DLGAP2: variants seen among roughly 807,000 people sequenced by gnomAD.
The protein encoded by DLGAP2 is DLG associated protein 2, also known as disks large-associated protein 2.
In DLGAP2, 26 loss-of-function variants were observed where a neutral mutation model predicts 100.3. The ratio of observed to expected loss-of-function variants is 0.26; its 90% CI spans 0.19 to 0.36. The LOEUF is 0.36. DLGAP2 is among the 10% of genes least tolerant of loss of function. DLGAP2 has a pLI of 1.00. For synonymous variants in DLGAP2, 886 were observed against 630.1 expected (o/e 1.41, Z -6.08); for missense variants, 1,858 against 1,453.2 (o/e 1.28, Z -4.53).
At chr8:1,196,368 C>G (rs576179662) in intron 2 of DLGAP2, among the ~76,000 whole-genome samples, 4 of 152,326 alleles carry the variant, frequency 2.6e-5, no homozygotes, top group African/African-American at 9.6e-5. Context: ...CCCCCATCCC[C>G]AGGTGTCAGC....
rs899550833 is a variant in DLGAP2 at position 1,548,660 on chromosome 8, C to T, written c.207C>T (p.Phe69=). 6.3e-7 allele frequency: 1 copy of T among 1,584,016 alleles called. No individual in the cohort carries two copies. The highest frequency in any genetic ancestry group is 1.4e-5 in the African/African-American group (1 of 74,024). ...ACTCATGGTCGCCCACGCAGCACTT[C>T]AATGAGGAGCGCTACTCGCCCGCGC... ...PQYSWSPTQH[F]NEERYSPAPR... Residue 69 remains phenylalanine, a synonymous_variant, in exon 5 of 15, where the codon TTC becomes TTT. Coordinates refer to ENST00000637795, the MANE Select transcript of DLGAP2 (RefSeq NM_001346810.2).
At chr8:1,287,160 G>A (rs73170419) in intron 3 of DLGAP2, among the ~76,000 whole-genome samples, 39 of 130,118 alleles carry the variant, frequency 3.0e-4, no homozygotes, top group East Asian at 2.1e-3. Flanking sequence ...GTGTGTGTGC[G>A]CGCGCGCGCG....
intron 2 of DLGAP2, among the ~76,000 whole-genome samples, chr8:1,023,855 A>ATGTGTGTGTGTGTGTGTGTGTG (rs1192338772): frequency 4.0e-4 from 24 of 59,268 alleles, no homozygotes; most frequent in African/African-American, 8.0e-4. Context: ...CAAACTTTAT[A>ATGTGTGTGTGTGTGTGTGTGTG]TATGTGTGTG....
chr8:1,254,862 C>T (rs975334054), intron 2 of DLGAP2, among the ~76,000 whole-genome samples: 4 of 86,206 alleles, frequency 4.6e-5, no homozygotes, highest in Admixed American at 1.1e-4. Context: ...CACTCCCTGG[C>T]CCTCTCATCC....
chr8:919,838 T>G (rs1584890128), intron 2 of DLGAP2, among the ~76,000 whole-genome samples: 1 of 152,312 alleles, frequency 6.6e-6, no homozygotes, highest in African/African-American at 2.4e-5. Context: ...TTCCATTTCC[T>G]CACTACTGAA....
At chr8:1,543,962 A>C (rs1801449096) in intron 4 of DLGAP2, among the ~76,000 whole-genome samples, 1 of 151,710 alleles carries the variant, frequency 6.6e-6, no homozygotes, top group Non-Finnish European at 1.5e-5. Context: ...GAGTGCAGTG[A>C]TGCAAGCTTG....
intron 1 of DLGAP2, among the ~76,000 whole-genome samples, chr8:906,935 T>C (rs999402899): frequency 6.6e-6 from 1 of 152,238 alleles, no homozygotes; most frequent in Non-Finnish European, 1.5e-5. Context: ...AATTGTTCTT[T>C]TTTCAATATA....
At chr8:888,420 CTGACTTG>C (rs1797964863) in intron 1 of DLGAP2, among the ~76,000 whole-genome samples, 1 of 152,116 alleles carries the variant, frequency 6.6e-6, no homozygotes, top group Admixed American at 6.5e-5. Flanking sequence ...GTTCTGCACG[CTGACTTG>C]TGATCATTTG....
intron 3 of DLGAP2, among the ~76,000 whole-genome samples, chr8:1,492,731 C>A (rs1348204466): frequency 1.3e-5 from 2 of 152,230 alleles, no homozygotes; most frequent in Non-Finnish European, 2.9e-5. Flanking sequence ...CAGGCACCTT[C>A]CCCGGCTCCA....
At chr8:1,408,148 T>G (rs1434400920) in intron 3 of DLGAP2, among the ~76,000 whole-genome samples, 6 of 152,262 alleles carry the variant, frequency 3.9e-5, no homozygotes, top group African/African-American at 1.2e-4. Flanking sequence ...GGCTCACTCT[T>G]TCTTTCCAGC....
At chr8:1,438,389 A>T (rs192844440) in intron 3 of DLGAP2, among the ~76,000 whole-genome samples, 1 of 152,266 alleles carries the variant, frequency 6.6e-6, no homozygotes, top group Admixed American at 6.5e-5. Flanking sequence ...GCTGCTTAGG[A>T]GGCCATTTTA....
rs1386395521 is a variant in DLGAP2, at chr8:1,276,067, A to C, written c.106+17184A>C. 2.8e-5 allele frequency among the ~76,000 whole-genome samples: 4 copies of C among 141,324 alleles called. No homozygotes were observed. In the East Asian group the frequency reaches 8.0e-4, roughly 28 times the overall value. 92.7% of individuals were successfully genotyped at this position (141,324 alleles called of 152,430 possible). ...AAAAATATATAATATATAAAAATAAATATATAATATATAAATAAATGTGTA... is the reference window on the plus strand; with the variant it reads ...AAAAATATATAATATATAAAAATAACTATATAATATATAAATAAATGTGTA... On this transcript the variant is annotated intron_variant, in intron 3 of 14. Coordinates refer to ENST00000637795, the MANE Select transcript of DLGAP2 (RefSeq NM_001346810.2).
At chr8:1,231,290 C>T (rs926058313) in intron 2 of DLGAP2, among the ~76,000 whole-genome samples, 17 of 152,290 alleles carry the variant, frequency 1.1e-4, no homozygotes, top group Admixed American at 1.1e-3. Flanking sequence ...CAATGAGATA[C>T]CATCTCACGC....
chr8:787,035 T>A (rs1821885149), intron 1 of DLGAP2, among the ~76,000 whole-genome samples: 1 of 152,196 alleles, frequency 6.6e-6, no homozygotes, highest in Non-Finnish European at 1.5e-5. Flanking sequence ...TGGCTTTCCT[T>A]TCTTCATTTA....
At chr8:1,421,552 C>A (rs1260685684) in intron 3 of DLGAP2, among the ~76,000 whole-genome samples, 1 of 152,084 alleles carries the variant, frequency 6.6e-6, no homozygotes, top group Non-Finnish European at 1.5e-5. Flanking sequence ...TTAGTTATTT[C>A]ATTAAAGTTA....
intron 4 of DLGAP2, among the ~76,000 whole-genome samples, chr8:1,516,403 C>G (rs1457897160): frequency 7.0e-6 from 1 of 142,366 alleles, no homozygotes; most frequent in African/African-American, 2.7e-5. Context: ...GAGTGGGTGA[C>G]TGAGTGAAAG....
chr8:1,432,569 G>A (rs915168183), intron 3 of DLGAP2, among the ~76,000 whole-genome samples: 5 of 152,236 alleles, frequency 3.3e-5, no homozygotes, highest in African/African-American at 1.2e-4. Context: ...TGGAATTTAT[G>A]AAACTTTGTC....
intron 3 of DLGAP2, among the ~76,000 whole-genome samples, chr8:1,368,047 C>T (rs1176552967): frequency 6.6e-6 from 1 of 152,212 alleles, no homozygotes; most frequent in Non-Finnish European, 1.5e-5. Context: ...TCTGCTTTCA[C>T]ATTTTAACGT....
At chr8:1,494,937 C>G (rs1799500768) in intron 3 of DLGAP2, among the ~76,000 whole-genome samples, 1 of 152,204 alleles carries the variant, frequency 6.6e-6, no homozygotes, top group Admixed American at 6.5e-5. Context: ...GATGATCACT[C>G]CTGGCGTAAT....
Sources: allele counts gnomAD v4.1 joint callset (sites outside exome capture counted in the v4.1 genomes callset), GRCh38; gene constraint gnomAD v4.1.1; transcripts MANE v1.5; gene names NCBI Gene and HGNC (gene_info 2026-07-23, HGNC 2026-07-21).